Variants in CFAP20DC observed in about 807,000 individuals in gnomAD.
CFAP20DC encodes the protein protein CFAP20DC.
Under a neutral mutation model 101.7 loss-of-function variants are expected in CFAP20DC, and 84 were observed. That is an observed-to-expected ratio of 0.83 (90% CI 0.69 to 0.99). The LOEUF (loss-of-function observed/expected upper bound fraction) is 0.99. CFAP20DC is among the 50% of genes least tolerant of loss of function. The pLI is 0.00. For missense variants in CFAP20DC, 1,007 were observed against 970.3 expected (o/e 1.04, Z -0.50); for synonymous variants, 359 against 351.2 (o/e 1.02, Z -0.25).
chr3:58,776,583 T>C (rs2107536403), intron 15 of CFAP20DC, among the ~76,000 whole-genome samples: 2 of 151,464 alleles, frequency 1.3e-5, no homozygotes, highest in East Asian at 1.9e-4. Flanking sequence ...CTGTTCTTTG[T>C]TGAAGATAAT....
chr3:58,938,155 G>A (rs1223679931), intron 4 of CFAP20DC, among the ~76,000 whole-genome samples: 3 of 152,114 alleles, frequency 2.0e-5, no homozygotes, highest in African/African-American at 7.2e-5. Flanking sequence ...AACATTATGG[G>A]TTTCTTTCCC....
chr3:58,887,845 A>C (rs934706445), intron 6 of CFAP20DC, among the ~76,000 whole-genome samples: 1 of 152,240 alleles, frequency 6.6e-6, no homozygotes, highest in Non-Finnish European at 1.5e-5. Flanking sequence ...TTTTTTAAAA[A>C]ACACTGGTTG....
intron 5 of CFAP20DC, among the ~76,000 whole-genome samples, chr3:58,935,615 C>T (rs1447725241): frequency 1.5e-4 from 23 of 152,090 alleles, no homozygotes; most frequent in Admixed American, 4.6e-4. Context: ...TCAGAAATAA[C>T]GCCGCATATC....
intron 4 of CFAP20DC, among the ~76,000 whole-genome samples, chr3:58,980,304 G>C (rs1447513670): frequency 6.6e-6 from 1 of 152,084 alleles, no homozygotes; most frequent in Non-Finnish European, 1.5e-5. Flanking sequence ...CATTCCTTCT[G>C]AAACTATTCC....
chr3:58,800,656 T>G (rs1194387056), intron 15 of CFAP20DC, among the ~76,000 whole-genome samples: 4 of 152,196 alleles, frequency 2.6e-5, no homozygotes, highest in Admixed American at 1.3e-4. Context: ...TTAATTATTA[T>G]GTCTTAAAGA....
chr3:58,834,159 C>T (rs2076581571), intron 13 of CFAP20DC, among the ~76,000 whole-genome samples: 1 of 151,962 alleles, frequency 6.6e-6, no homozygotes, highest in South Asian at 2.1e-4. Flanking sequence ...TAAGAACTCC[C>T]GAATTCCTTA....
At chr3:58,718,499 G>A (rs1345696268) in intron 3 of CFAP20DC, among the ~76,000 whole-genome samples, 1 of 152,118 alleles carries the variant, frequency 6.6e-6, no homozygotes, top group Non-Finnish European at 1.5e-5. Flanking sequence ...GGGGCACCTG[G>A]TATATCAGAA....
chr3:58,868,878 ATC>A lies in CFAP20DC; in HGVS notation c.1015+448_1015+449del, dbSNP rs1466199856. Reference sequence around the variant, plus strand: ...ACTTTACCTCTTTGCTTGACTTTAAATCTCTATCTGTAAAATGGAACAAAAAT... The same window carrying A: ...ACTTTACCTCTTTGCTTGACTTTAAATCTATCTGTAAAATGGAACAAAAAT... On this transcript the variant is annotated intron_variant, in intron 9 of 16. Transcript: ENST00000482387. The surrounding 1 kb of genome is among the most constrained non-coding windows in gnomAD (Gnocchi z 4.6). Among the ~76,000 whole-genome samples the A allele has an allele frequency of 1.3e-5, 2 of 152,302 alleles. No individual in the cohort carries two copies. Among genetic ancestry groups the A allele is most frequent in the Non-Finnish European group, 2.9e-5 (2 of 68,014 alleles).
In CFAP20DC at chr3:58,899,693, A is replaced by G. The variant is rs1428429132; in HGVS notation, c.550+14015T>C. Among the ~76,000 whole-genome samples the G allele has an allele frequency of 6.6e-6, 1 of 152,102 alleles. No homozygotes were observed. The highest frequency in any genetic ancestry group is 1.5e-5 in the Non-Finnish European group (1 of 68,020). On this transcript the variant is annotated intron_variant, in intron 6 of 16. Coordinates refer to ENST00000482387, the MANE Select transcript of CFAP20DC (RefSeq NM_001394063.1). The surrounding 1 kb of genome is among the most constrained non-coding windows in gnomAD (Gnocchi z 5.0). ...TGTGGTTTCCTGGGCAGGACTGCACAATCACTCACCGCTTCCCTTGGCTGG... is the reference window on the plus strand; with the variant it reads ...TGTGGTTTCCTGGGCAGGACTGCACGATCACTCACCGCTTCCCTTGGCTGG...
At chr3:58,957,015 G>T (rs1420950736) in intron 4 of CFAP20DC, among the ~76,000 whole-genome samples, 1 of 152,118 alleles carries the variant, frequency 6.6e-6, no homozygotes, top group Non-Finnish European at 1.5e-5. Context: ...AGAGATTTGG[G>T]TGGGGACACA....
chr3:59,032,367 A>G (rs2109107142), intron 4 of CFAP20DC, among the ~76,000 whole-genome samples: 1 of 152,204 alleles, frequency 6.6e-6, no homozygotes, highest in East Asian at 1.9e-4. Flanking sequence ...CTCCCCGGGA[A>G]AGGGGGCTGA....
At chr3:58,873,835 G>GT (rs1283745363) in intron 7 of CFAP20DC, among the ~76,000 whole-genome samples, 1 of 152,088 alleles carries the variant, frequency 6.6e-6, no homozygotes, top group Non-Finnish European at 1.5e-5. Flanking sequence ...TGTCAGGCAG[G>GT]TGTTGAAGCA....
At chr3:58,920,320 C>G (rs2085223528) in intron 5 of CFAP20DC, among the ~76,000 whole-genome samples, 2 of 152,026 alleles carry the variant, frequency 1.3e-5, no homozygotes, top group South Asian at 4.2e-4. Context: ...TCTCGAACTC[C>G]TGGGCTCAAA....
intron 4 of CFAP20DC, among the ~76,000 whole-genome samples, chr3:59,028,501 T>C (rs1361098504): frequency 2.6e-5 from 4 of 152,194 alleles, no homozygotes; most frequent in Non-Finnish European, 5.9e-5. Context: ...TTTCAACTTA[T>C]ATTAAAATTC....
intron 14 of CFAP20DC, among the ~76,000 whole-genome samples, chr3:58,823,174 A>G (rs1471909878): frequency 1.3e-5 from 2 of 152,036 alleles, no homozygotes; most frequent in Admixed American, 6.6e-5. Flanking sequence ...ATAAATTTGT[A>G]TGTTTTTCTT....
chr3:59,004,642 C>A (rs1383001953), intron 4 of CFAP20DC, among the ~76,000 whole-genome samples: 3 of 152,164 alleles, frequency 2.0e-5, no homozygotes, highest in Non-Finnish European at 4.4e-5. Context: ...TTGTTAATTT[C>A]TTGATTCTCT....
At chr3:58,813,285 A>G (rs1032876374) in intron 14 of CFAP20DC, among the ~76,000 whole-genome samples, 2 of 151,952 alleles carry the variant, frequency 1.3e-5, no homozygotes, top group Non-Finnish European at 2.9e-5. Flanking sequence ...CTTGCTTCCA[A>G]TGGAACTTGA....
chr3:58,942,415 C>T (rs2088735572), intron 4 of CFAP20DC, among the ~76,000 whole-genome samples: 1 of 152,172 alleles, frequency 6.6e-6, no homozygotes, highest in Non-Finnish European at 1.5e-5. Flanking sequence ...GGTTGCAGTC[C>T]ATGGAGGGCA....
At chr3:58,873,788 G>T (rs1192398838) in intron 7 of CFAP20DC, among the ~76,000 whole-genome samples, 1 of 151,808 alleles carries the variant, frequency 6.6e-6, no homozygotes, top group Non-Finnish European at 1.5e-5. Context: ...TGTCAGGCAG[G>T]CGTTCAAGCT....
Sources: allele counts gnomAD v4.1 joint callset (sites outside exome capture counted in the v4.1 genomes callset), GRCh38; gene constraint gnomAD v4.1.1; non-coding constraint Gnocchi (gnomAD v3.1); transcripts MANE v1.5; gene names NCBI Gene and HGNC (gene_info 2026-07-23, HGNC 2026-07-21).